SRRM4: variants seen among roughly 807,000 people sequenced by gnomAD.
The protein encoded by SRRM4 is serine/arginine repetitive matrix 4, also known as serine/arginine repetitive matrix protein 4.
Under a neutral mutation model 68.9 loss-of-function variants are expected in SRRM4, and 33 were observed. The ratio of observed to expected loss-of-function variants is 0.48; its 90% CI spans 0.36 to 0.64. The LOEUF (loss-of-function observed/expected upper bound fraction) is 0.64, where lower values mean the gene tolerates loss of function less well. Among genes scored for constraint, SRRM4 ranks in the 30% least tolerant of loss-of-function variants. The probability of loss-of-function intolerance (pLI) is 0.00; values close to 1 mark genes in which losing one functional copy is unlikely to be tolerated. For synonymous variants in SRRM4, 318 were observed against 318.8 expected, an observed-to-expected ratio of 1.00 and a Z score of 0.03; for missense variants, 817 against 827.1, an observed-to-expected ratio of 0.99 and a Z score of 0.15.
intron 1 of SRRM4, among the ~76,000 whole-genome samples, chr12:118,991,109 G>GT (rs1262993414): frequency 6.6e-6 from 1 of 152,084 alleles, no homozygotes; most frequent in Non-Finnish European, 1.5e-5. Context: ...CTGGACCCAT[G>GT]TTTTTTTAAG....
In SRRM4 at chr12:118,981,564, C is replaced by T. The variant is rs67119535; in HGVS notation, c.-319C>T. Reference sequence around the variant, plus strand: ...ACGCGCACGCACACACATCCGACCCCGTCGCCTCTTCTCTCCTGGTGCTGC... The same window carrying T: ...ACGCGCACGCACACACATCCGACCCTGTCGCCTCTTCTCTCCTGGTGCTGC... On this transcript the variant is annotated 5_prime_UTR_variant, in exon 1 of 13. Coordinates refer to ENST00000267260, the MANE Select transcript of SRRM4 (RefSeq NM_194286.4). 0.19 allele frequency: 53,273 copies of T among 277,502 alleles called. 6,343 individuals are homozygous for T. The highest frequency in any genetic ancestry group is 0.3 in the Middle Eastern group (277 of 926). The allele number at this position is 277,502 out of a possible 1,614,324, so 17.2% of individuals were successfully genotyped here.
chr12:119,033,177 C>T (rs35090273), intron 1 of SRRM4, among the ~76,000 whole-genome samples: 39,977 of 151,972 alleles, frequency 0.26, 5,921 homozygotes, highest in Middle Eastern at 0.46. Flanking sequence ...AAAATGTTCA[C>T]GCTAAAACTT....
chr12:119,130,917 G>GA, intron 8 of SRRM4, 83 bp downstream of exon 8: 1 of 1,330,988 alleles, frequency 7.5e-7, no homozygotes, highest in Non-Finnish European at 1.0e-6. Context: ...GGCAGTGTAT[G>GA]GTACACTTTA....
chr12:119,015,676 A>C (rs997781157), intron 1 of SRRM4, among the ~76,000 whole-genome samples: 2 of 152,060 alleles, frequency 1.3e-5, no homozygotes, highest in African/African-American at 4.8e-5. Context: ...TTATTTAATC[A>C]ATATCCTATT....
chr12:119,131,250 GC>G (rs1299128159), intron 8 of SRRM4, among the ~76,000 whole-genome samples: 65 of 152,318 alleles, frequency 4.3e-4, no homozygotes, highest in African/African-American at 1.5e-3. Flanking sequence ...TTTTATGCCA[GC>G]TGGCTGGCAG....
chr12:118,984,526 C>G (rs533850898), intron 1 of SRRM4, among the ~76,000 whole-genome samples: 1 of 152,228 alleles, frequency 6.6e-6, no homozygotes, highest in African/African-American at 2.4e-5. Flanking sequence ...TGGTGTCACA[C>G]TTAATATTTG....
At chr12:119,062,371 T>C (rs1953820025) in intron 1 of SRRM4, among the ~76,000 whole-genome samples, 1 of 152,240 alleles carries the variant, frequency 6.6e-6, no homozygotes, top group Non-Finnish European at 1.5e-5. Context: ...TAAGCTACGC[T>C]CAATTTATTT....
intron 1 of SRRM4, among the ~76,000 whole-genome samples, chr12:119,063,025 T>C (rs778181552): frequency 6.6e-6 from 1 of 152,232 alleles, no homozygotes. Context: ...AATAAGGTTG[T>C]TTTTGTCATC....
chr12:119,037,189 G>A lies in SRRM4; in HGVS notation c.131+55176G>A, dbSNP rs117978498. ...TGGTCTGTTTTGCTCAAATGGTGAT[G>A]GGGGTTTGGGGGATAGGGAGTCCGT... On this transcript the variant is annotated intron_variant, in intron 1 of 12. Coordinates refer to ENST00000267260, the MANE Select transcript of SRRM4 (RefSeq NM_194286.4). 3.0e-3 allele frequency among the ~76,000 whole-genome samples: 452 copies of A among 152,284 alleles called. 22 individuals are homozygous for A. The East Asian group carries it at 0.077, about 26-fold the overall frequency.
At chr12:119,149,387 G>A (rs1208817019) in intron 9 of SRRM4, among the ~76,000 whole-genome samples, 1 of 152,168 alleles carries the variant, frequency 6.6e-6, no homozygotes, top group Non-Finnish European at 1.5e-5. Context: ...AAGGTTGTTG[G>A]GAATGAAATG....
intron 1 of SRRM4, among the ~76,000 whole-genome samples, chr12:118,993,369 A>C (rs1953329165): frequency 6.6e-6 from 1 of 152,206 alleles, no homozygotes. Context: ...GCCTTCTTCA[A>C]CTGCTCTGTA....
chr12:119,157,116 A>C lies in SRRM4; in HGVS notation c.*318A>C. The C allele has an allele frequency of 3.2e-6, 1 of 309,096 alleles. No homozygotes were observed. The highest frequency in any genetic ancestry group is 5.9e-6 in the Non-Finnish European group (1 of 169,590). The allele number at this position is 309,096 out of a possible 1,614,324, so 19.1% of individuals were successfully genotyped here. ...GAAGCAATGGGTCTGTGACTCAAAAATTGAGCCCTGGCCAGGAAAATGTGG... is the reference window on the plus strand; with the variant it reads ...GAAGCAATGGGTCTGTGACTCAAAACTTGAGCCCTGGCCAGGAAAATGTGG... On this transcript the variant is annotated 3_prime_UTR_variant, in exon 13 of 13. Coordinates refer to ENST00000267260, the MANE Select transcript of SRRM4 (RefSeq NM_194286.4). This position sits in a 1 kb window ranked among gnomAD's most constrained non-coding sequence, Gnocchi z 4.1.
intron 1 of SRRM4, among the ~76,000 whole-genome samples, chr12:119,090,464 T>C (rs1361647377): frequency 6.6e-6 from 1 of 152,144 alleles, no homozygotes; most frequent in East Asian, 1.9e-4. Context: ...GATTCCACCA[T>C]AGAATTGGTC....
intron 1 of SRRM4, among the ~76,000 whole-genome samples, chr12:119,041,308 A>G (rs978278925): frequency 6.6e-6 from 1 of 152,102 alleles, no homozygotes; most frequent in Non-Finnish European, 1.5e-5. Context: ...AATTAATATG[A>G]TTTTGATTGG....
intron 2 of SRRM4, chr12:119,114,024 C>A: frequency 3.3e-6 from 1 of 307,130 alleles, no homozygotes; most frequent in Non-Finnish European, 6.1e-6. Flanking sequence ...GAGTAGTTAA[C>A]CTCTATAACT....
intron 1 of SRRM4, among the ~76,000 whole-genome samples, chr12:119,083,509 G>T (rs1010492356): frequency 2.0e-5 from 3 of 152,000 alleles, no homozygotes; most frequent in Non-Finnish European, 4.4e-5. Context: ...GCCTGCACAG[G>T]TTCCCAGGAT....
chr12:119,120,061 A>C (rs920197116), intron 4 of SRRM4, among the ~76,000 whole-genome samples, 189 bp from the exon 5 acceptor site: 3 of 151,616 alleles, frequency 2.0e-5, no homozygotes, highest in Non-Finnish European at 4.4e-5. Context: ...ATACCAGGAA[A>C]AAAAAAAACT....
At chr12:119,125,515 A>T in intron 7 of SRRM4, 36 bp downstream of exon 7, 5 of 1,582,426 alleles carry the variant, frequency 3.2e-6, no homozygotes, top group Non-Finnish European at 4.3e-6. Context: ...TCTGTCAGCC[A>T]CAGCCGAGCC....
chr12:119,153,968 G>C (rs951651915), intron 11 of SRRM4, among the ~76,000 whole-genome samples: 1 of 151,676 alleles, frequency 6.6e-6, no homozygotes, highest in Non-Finnish European at 1.5e-5. Context: ...TAACATTCAC[G>C]TCCTCACCCC....
Sources: allele counts gnomAD v4.1 joint callset (sites outside exome capture counted in the v4.1 genomes callset), GRCh38; gene constraint gnomAD v4.1.1; non-coding constraint Gnocchi (gnomAD v3.1); transcripts MANE v1.5; gene names NCBI Gene and HGNC (gene_info 2026-07-23, HGNC 2026-07-21).